Variants in HSF5 observed in about 807,000 individuals in gnomAD.
HSF5 encodes heat shock factor protein 5.
A neutral mutation model predicts 50.8 loss-of-function variants in HSF5; 5 were observed. The observed-to-expected ratio is 0.10, with a 90% CI of 0.05 to 0.21. HSF5 has a LOEUF of 0.21. Among genes scored for constraint, HSF5 ranks in the 10% least tolerant of loss-of-function variants. The pLI is 1.00. For synonymous variants in HSF5, 307 were observed against 307.4 expected, an observed-to-expected ratio of 1.00 and a Z score of 0.02; for missense variants, 564 against 762.6, an observed-to-expected ratio of 0.74 and a Z score of 3.07.
intron 5 of HSF5, among the ~76,000 whole-genome samples, chr17:58,435,703 TC>T (rs1239794624): frequency 2.0e-5 from 3 of 151,678 alleles, no homozygotes; most frequent in African/African-American, 7.3e-5. Flanking sequence ...ATCGAGACCA[TC>T]CTGGCTAACA....
chr17:58,485,015 T>C (rs1975149924), intron 1 of HSF5, among the ~76,000 whole-genome samples: 1 of 142,568 alleles, frequency 7.0e-6, no homozygotes, highest in Non-Finnish European at 1.5e-5. Flanking sequence ...AGTGCAATGG[T>C]GTGATCTCGG....
chr17:58,475,107 A>G (rs2143798677), intron 2 of HSF5, among the ~76,000 whole-genome samples: 1 of 152,318 alleles, frequency 6.6e-6, no homozygotes, highest in East Asian at 1.9e-4. Flanking sequence ...CAGCTCTGAA[A>G]ATCTATAAAA....
At chr17:58,428,105 T>G (rs902083574) in intron 5 of HSF5, among the ~76,000 whole-genome samples, 1 of 152,174 alleles carries the variant, frequency 6.6e-6, no homozygotes, top group Non-Finnish European at 1.5e-5. Flanking sequence ...TTAAAAAATG[T>G]AAAAACCATG....
intron 2 of HSF5, among the ~76,000 whole-genome samples, chr17:58,474,992 A>T (rs7221464): frequency 0.26 from 39,022 of 151,720 alleles, 5,906 homozygotes; most frequent in African/African-American, 0.41. Flanking sequence ...GGTAAAAAAA[A>T]TTTTTTTTTA....
At position 58,487,790 on chromosome 17, in the gene HSF5, G is replaced by A; in HGVS notation, c.485C>T (p.Ala162Val). 2 of 1,512,346 alleles carry A rather than the reference G, an allele frequency of 1.3e-6. No individual in the cohort carries two copies. The highest frequency in any genetic ancestry group is 1.4e-5 in the African/African-American group (1 of 70,088). The allele number at this position is 1,512,346 out of a possible 1,614,324, so 93.7% of individuals were successfully genotyped here. ...FQRLLITSAS[A>V]ATAPLQHQQP... ...CTGGTGCTGCAGTGGCGCGGTGGCG[G>A]CGGAGGCCGAGGTGATGAGCAGCCG... The change falls in exon 1 of 6, where the codon GCC (alanine) becomes GTC (valine). Residue 162 changes from alanine (A) to valine (V), a missense_variant. Transcript: ENST00000323777.
chr17:58,474,989 A>G (rs1251183287), intron 2 of HSF5, among the ~76,000 whole-genome samples: 3 of 152,208 alleles, frequency 2.0e-5, no homozygotes, highest in Non-Finnish European at 2.9e-5. Flanking sequence ...CATGGTAAAA[A>G]AAATTTTTTT....
At chr17:58,437,890 T>C (rs1482826084) in intron 5 of HSF5, among the ~76,000 whole-genome samples, 1 of 152,216 alleles carries the variant, frequency 6.6e-6, no homozygotes, top group African/African-American at 2.4e-5. Context: ...TTGAGTACCT[T>C]TGGGAATATA....
Position 58,478,501 on chromosome 17 carries a change from G to GAAAA in HSF5, c.925+1388_925+1391dup, listed in dbSNP as rs1312784605. On this transcript the variant is annotated intron_variant, in intron 2 of 5. Coordinates refer to ENST00000323777, the MANE Select transcript of HSF5 (RefSeq NM_001080439.3). ...AAAAAAAAAAAAAAAGAAAAGAAAA[G>GAAAA]AAAAGAAAAGAAAATACATTTGAGT... Among the ~76,000 whole-genome samples, 13 of 144,078 alleles carry GAAAA rather than the reference G, an allele frequency of 9.0e-5. No individual in the cohort carries two copies. In the South Asian group the frequency reaches 1.8e-3, roughly 19 times the overall value. The allele number at this position is 144,078 out of a possible 152,430, so 94.5% of individuals were successfully genotyped here.
In HSF5 at chr17:58,420,863, A is replaced by T. The variant is rs1974221757; in HGVS notation, c.*1497T>A. The T allele has an allele frequency of 6.6e-6, 1 of 152,448 alleles. No individual in the cohort carries two copies. Among genetic ancestry groups the T allele is most frequent in the Admixed American group, 6.5e-5 (1 of 15,280 alleles). 9.4% of individuals were successfully genotyped at this position (152,448 alleles called of 1,614,324 possible). On this transcript the variant is annotated 3_prime_UTR_variant, in exon 6 of 6. Coordinates refer to ENST00000323777, the MANE Select transcript of HSF5 (RefSeq NM_001080439.3). ...CAATACAGAGCTCACCCTTTTCCAG[A>T]AAAGTAGATCTCTGTAATATTTCTA...
intron 5 of HSF5, among the ~76,000 whole-genome samples, chr17:58,429,149 A>G (rs988931460): frequency 6.6e-6 from 1 of 152,262 alleles, no homozygotes; most frequent in Non-Finnish European, 1.5e-5. Flanking sequence ...CACAAATGTC[A>G]CACACATATT....
intron 4 of HSF5, among the ~76,000 whole-genome samples, chr17:58,462,100 A>G (rs1254765706): frequency 6.6e-6 from 1 of 152,142 alleles, no homozygotes; most frequent in Admixed American, 6.5e-5. Context: ...TGTACACATT[A>G]TTTAGCTTCC....
chr17:58,452,403 T>A (rs1169854556), intron 5 of HSF5, among the ~76,000 whole-genome samples: 1 of 152,130 alleles, frequency 6.6e-6, no homozygotes, highest in East Asian at 1.9e-4. Context: ...TTGGAAAACC[T>A]AGAAGAAATG....
At chr17:58,453,948 G>A (rs1027112437) in intron 5 of HSF5, among the ~76,000 whole-genome samples, 11 of 152,050 alleles carry the variant, frequency 7.2e-5, no homozygotes, top group Non-Finnish European at 1.5e-4. Context: ...AAAAAAATTA[G>A]CCAGGCATGG....
At chr17:58,474,333 C>T (rs957991902) in intron 2 of HSF5, among the ~76,000 whole-genome samples, 1 of 152,024 alleles carries the variant, frequency 6.6e-6, no homozygotes, top group Non-Finnish European at 1.5e-5. Flanking sequence ...AGTAGTTTTG[C>T]CCACATTATG....
At chr17:58,479,457 C>A (rs932789075) in intron 2 of HSF5, among the ~76,000 whole-genome samples, 1 of 151,996 alleles carries the variant, frequency 6.6e-6, no homozygotes, top group Non-Finnish European at 1.5e-5. Flanking sequence ...CGCCTGCCAC[C>A]GTGCCTGGCT....
At chr17:58,472,122 G>T (rs1184289303) in intron 2 of HSF5, among the ~76,000 whole-genome samples, 3 of 152,146 alleles carry the variant, frequency 2.0e-5, no homozygotes. Flanking sequence ...TTCCCAAAGT[G>T]CTGGAAGTAC....
At chr17:58,476,981 A>C (rs1283188933) in intron 2 of HSF5, 3 of 612,072 alleles carry the variant, frequency 4.9e-6, no homozygotes, top group Admixed American at 2.9e-5. Flanking sequence ...GGGCGGGGGA[A>C]GGGAAGGCTA....
chr17:58,451,264 T>C (rs1358431533), intron 5 of HSF5, among the ~76,000 whole-genome samples: 4 of 152,178 alleles, frequency 2.6e-5, no homozygotes. Context: ...CACCCAGCTT[T>C]CAGCAATGGA....
intron 2 of HSF5, among the ~76,000 whole-genome samples, chr17:58,468,204 C>G (rs1304165738): frequency 6.6e-6 from 1 of 152,076 alleles, no homozygotes; most frequent in African/African-American, 2.4e-5. Flanking sequence ...TTGAGACCAG[C>G]CTAGGCAACA....
Sources: gnomAD v4.1 joint callset for allele counts (sites outside exome capture counted in the v4.1 genomes callset) on GRCh38, gnomAD v4.1.1 for gene constraint, MANE v1.5 for transcripts, NCBI Gene and HGNC (gene_info 2026-07-23, HGNC 2026-07-21) for gene names.